Variants in PEX5L observed in about 807,000 individuals in gnomAD.
PEX5L encodes the protein peroxisomal biogenesis factor 5 like.
PEX5L carries 30 observed loss-of-function variants against 84.0 expected under a neutral mutation model. The observed-to-expected ratio is 0.36, with a 90% CI of 0.27 to 0.48. PEX5L has a LOEUF of 0.48. Among genes scored for constraint, PEX5L ranks in the 20% least tolerant of loss-of-function variants. The pLI is 0.99. For synonymous variants in PEX5L, 270 were observed against 283.1 expected (o/e 0.95, Z 0.46); for missense variants, 533 against 754.6 (o/e 0.71, Z 3.44).
intron 2 of PEX5L, among the ~76,000 whole-genome samples, chr3:179,942,883 C>T (rs1020995604): frequency 6.6e-6 from 1 of 152,156 alleles, no homozygotes; most frequent in Non-Finnish European, 1.5e-5. Context: ...ATGGAAAGGC[C>T]GTATTACTTT....
At chr3:179,992,351 A>G (rs1787460823) in intron 1 of PEX5L, among the ~76,000 whole-genome samples, 1 of 152,222 alleles carries the variant, frequency 6.6e-6, no homozygotes, top group African/African-American at 2.4e-5. Flanking sequence ...GAAAGGTTGA[A>G]TGATTTACTT....
chr3:179,958,836 A>C lies in PEX5L; in HGVS notation c.93+12758T>G, dbSNP rs112628519. 2.2e-4 allele frequency among the ~76,000 whole-genome samples: 33 copies of C among 152,302 alleles called. 1 individual carries two copies. The highest frequency in any genetic ancestry group is 7.8e-4 in the Admixed American group (12 of 15,296). On this transcript the variant is annotated intron_variant, in intron 2 of 14. Coordinates refer to ENST00000467460, the MANE Select transcript of PEX5L (RefSeq NM_016559.3). ...GTATAAATGATCCTTTCCTGACACC[A>C]AAAATTGGAATAACATAAACCAATG...
intron 2 of PEX5L, among the ~76,000 whole-genome samples, chr3:179,941,559 A>G (rs1256639961): frequency 2.0e-5 from 3 of 152,222 alleles, no homozygotes; most frequent in African/African-American, 7.2e-5. Context: ...TATTTGTTCA[A>G]AAGTCACAGT....
intron 8 of PEX5L, among the ~76,000 whole-genome samples, chr3:179,828,297 G>A (rs1271373680): frequency 1.3e-5 from 2 of 152,254 alleles, no homozygotes; most frequent in East Asian, 3.9e-4. Flanking sequence ...ACGACTGTAT[G>A]TCTCTGGTTT....
chr3:180,032,030 G>A (rs1192988632), intron 1 of PEX5L, among the ~76,000 whole-genome samples: 1 of 152,124 alleles, frequency 6.6e-6, no homozygotes, highest in African/African-American at 2.4e-5. Context: ...GGCCAGTATG[G>A]CTGGGGAATG....
chr3:179,873,124 C>T (rs1370230675), intron 7 of PEX5L, among the ~76,000 whole-genome samples: 1 of 152,044 alleles, frequency 6.6e-6, no homozygotes, highest in African/African-American at 2.4e-5. Context: ...TGTCTGTGTC[C>T]TACCTCTCTC....
intron 1 of PEX5L, among the ~76,000 whole-genome samples, chr3:180,026,167 T>C (rs1790942793): frequency 7.5e-6 from 1 of 133,296 alleles, no homozygotes; most frequent in African/African-American, 2.9e-5. Flanking sequence ...AATTTGGGAA[T>C]AGGCAATTAA....
intron 1 of PEX5L, among the ~76,000 whole-genome samples, chr3:180,030,375 T>C (rs1225258737): frequency 2.0e-5 from 3 of 152,208 alleles, no homozygotes; most frequent in African/African-American, 4.8e-5. Flanking sequence ...CTAGATCCGG[T>C]ACATTCTTAT....
intron 14 of PEX5L, among the ~76,000 whole-genome samples, chr3:179,805,079 A>G (rs1720700674): frequency 6.7e-6 from 1 of 148,834 alleles, no homozygotes; most frequent in Admixed American, 6.8e-5. Flanking sequence ...AGATTGCACC[A>G]CTGCACTCCA....
At chr3:179,900,612 A>G in intron 2 of PEX5L, 1 of 1,168,578 alleles carries the variant, frequency 8.6e-7, no homozygotes, top group Non-Finnish European at 1.2e-6. Flanking sequence ...GTGGTCAGCT[A>G]GAAAGGATGT....
chr3:180,008,741 A>G (rs1442511360), intron 1 of PEX5L, among the ~76,000 whole-genome samples: 5 of 152,180 alleles, frequency 3.3e-5, no homozygotes. Flanking sequence ...AGATCTCATG[A>G]GACTTATTCA....
chr3:180,001,291 A>C (rs2110422303), intron 1 of PEX5L, among the ~76,000 whole-genome samples: 1 of 150,196 alleles, frequency 6.7e-6, no homozygotes. Context: ...TGATCATGTG[A>C]GTTAATACTT....
chr3:179,909,178 A>G lies in PEX5L; in HGVS notation c.94-10932T>C, dbSNP rs142659506. Among the ~76,000 whole-genome samples the G allele has an allele frequency of 3.9e-5, 6 of 152,244 alleles. No individual in the cohort carries two copies. The East Asian group carries it at 1.2e-3, about 29-fold the overall frequency. ...GCAGAGCATTCTATCATCTGAATGT[A>G]CCACAATTTACCCATTTAACTGTTG... On this transcript the variant is annotated intron_variant, in intron 2 of 14. Transcript: ENST00000467460.
intron 7 of PEX5L, among the ~76,000 whole-genome samples, chr3:179,870,492 A>T (rs1051984619): frequency 1.3e-5 from 2 of 152,172 alleles, no homozygotes; most frequent in Non-Finnish European, 2.9e-5. Flanking sequence ...TTGTTGGGTG[A>T]CACTGTGATC....
intron 4 of PEX5L, chr3:179,880,888 T>C (rs1753935308): frequency 6.6e-6 from 1 of 152,224 alleles, no homozygotes; most frequent in East Asian, 1.9e-4. Flanking sequence ...TCTTTTACAG[T>C]GCACGTAACC....
At position 179,831,929 on chromosome 3, in the gene PEX5L, G is replaced by A. The variant is rs1376400164; in HGVS notation, c.823-11953C>T. On this transcript the variant is annotated intron_variant, in intron 8 of 14. Transcript: ENST00000467460. ...TCAAGATCAGAAAAGACCTTATACA[G>A]TTAGACGAATAAGCTTGGACTTTGT... Among the ~76,000 whole-genome samples, 5 of 152,180 alleles carry A rather than the reference G, an allele frequency of 3.3e-5. No homozygotes were observed. In the East Asian group the frequency reaches 9.6e-4, roughly 29 times the overall value.
intron 2 of PEX5L, among the ~76,000 whole-genome samples, chr3:179,918,283 T>C (rs948140490): frequency 6.6e-6 from 1 of 152,146 alleles, no homozygotes; most frequent in Admixed American, 6.5e-5. Flanking sequence ...ATCTATCTTC[T>C]CCTTGAGCAA....
chr3:179,867,186 G>A (rs1748636934), intron 7 of PEX5L, among the ~76,000 whole-genome samples: 1 of 152,000 alleles, frequency 6.6e-6, no homozygotes, highest in Non-Finnish European at 1.5e-5. Context: ...GAATATTGAG[G>A]CAAATAAGTG....
At chr3:179,900,515 G>C (rs985783878) in intron 2 of PEX5L, among the ~76,000 whole-genome samples, 1 of 152,174 alleles carries the variant, frequency 6.6e-6, no homozygotes, top group African/African-American at 2.4e-5. Context: ...AATAGCTAGA[G>C]TTAGCAAGGG....
Sources: gnomAD v4.1 joint callset for allele counts (sites outside exome capture counted in the v4.1 genomes callset) on GRCh38, gnomAD v4.1.1 for gene constraint, MANE v1.5 for transcripts, NCBI Gene and HGNC (gene_info 2026-07-23, HGNC 2026-07-21) for gene names.